The following KDM2A variants were observed in gnomAD, a reference collection of about 807,000 sequenced individuals.
The protein encoded by KDM2A is lysine demethylase 2A, also known as lysine-specific demethylase 2A.
In KDM2A, 3 loss-of-function variants were observed where a neutral mutation model predicts 137.3. The observed-to-expected ratio is 0.02, with a 90% CI of 0.01 to 0.06. The LOEUF is 0.06. KDM2A is among the 10% of genes least tolerant of loss of function. KDM2A has a pLI of 1.00. For missense variants in KDM2A, 738 were observed against 1,510.6 expected (o/e 0.49, Z 8.48); for synonymous variants, 512 against 541.5 (o/e 0.95, Z 0.76).
chr11:67,192,805 A>G (rs1857389138), intron 5 of KDM2A, among the ~76,000 whole-genome samples: 1 of 151,932 alleles, frequency 6.6e-6, no homozygotes. Flanking sequence ...TCTTGGGTAC[A>G]CATTTGAGAG....
intron 11 of KDM2A, among the ~76,000 whole-genome samples, chr11:67,229,696 C>A (rs1361008959): frequency 1.3e-5 from 2 of 151,210 alleles, no homozygotes; most frequent in East Asian, 3.9e-4. Flanking sequence ...TGGTGAAACC[C>A]TGTCTCTACT....
chr11:67,218,452 A>G (rs961263304), intron 9 of KDM2A, among the ~76,000 whole-genome samples: 8 of 152,200 alleles, frequency 5.3e-5, no homozygotes, highest in African/African-American at 1.9e-4. Flanking sequence ...AGCTTATCCA[A>G]CCTGCAGGCC....
intron 1 of KDM2A, among the ~76,000 whole-genome samples, chr11:67,121,018 C>T (rs928921573): frequency 6.6e-6 from 1 of 151,964 alleles, no homozygotes; most frequent in Non-Finnish European, 1.5e-5. Flanking sequence ...CTGAAACCAA[C>T]ATCTCGTTTC....
At chr11:67,242,907 T>C in intron 12 of KDM2A, 102 bp from the exon 13 acceptor site, 1 of 796,682 alleles carries the variant, frequency 1.3e-6, no homozygotes, top group Non-Finnish European at 2.2e-6. Context: ...CTGCCTCCCT[T>C]GCTACTCAAG....
chr11:67,230,399 G>A (rs1221499347), intron 11 of KDM2A, among the ~76,000 whole-genome samples: 1 of 152,146 alleles, frequency 6.6e-6, no homozygotes, highest in Non-Finnish European at 1.5e-5. Flanking sequence ...AAACCAAGGT[G>A]GAAGGCACAC....
At chr11:67,190,098 C>T (rs1857313707) in intron 5 of KDM2A, among the ~76,000 whole-genome samples, 1 of 152,054 alleles carries the variant, frequency 6.6e-6, no homozygotes, top group Admixed American at 6.5e-5. Context: ...AAAGAAAGAT[C>T]GAATTACTAA....
intron 5 of KDM2A, among the ~76,000 whole-genome samples, chr11:67,198,504 C>T (rs1222636598): frequency 6.6e-6 from 1 of 151,862 alleles, no homozygotes; most frequent in Non-Finnish European, 1.5e-5. Context: ...GGGCGGATCT[C>T]GAGGTCAGGA....
rs1428283320 is a variant in KDM2A, at chr11:67,228,100, G to A, written c.1021G>A (p.Val341Met). 6.2e-7 allele frequency: 1 copy of A among 1,613,086 alleles called. No individual in the cohort carries two copies. Among genetic ancestry groups the A allele is most frequent in the African/African-American group, 1.3e-5 (1 of 75,028 alleles). ...GTGTTGGTATGTGTTGGAGCGCTATGTGTACTGCATAACCAACCGTTCCCA... is the reference window on the plus strand; with the variant it reads ...GTGTTGGTATGTGTTGGAGCGCTATATGTACTGCATAACCAACCGTTCCCA... The part of the protein sequence containing the change: ...EMCWYVLERY[V>M]YCITNRSHLT... The change falls in exon 11 of 21, where the codon GTG becomes ATG. Residue 341 changes from valine to methionine, a missense_variant. By Grantham distance (21) the Val-to-Met change is conservative. This residue lies in a region of KDM2A where 113 missense variants were observed against 133.5 expected (regional missense o/e 0.85). Transcript: ENST00000529006.
At position 67,120,205 on chromosome 11, in the gene KDM2A, C is replaced by T. The variant is rs775415114; in HGVS notation, c.-84+156C>T. Among the ~76,000 whole-genome samples the T allele has an allele frequency of 1.5e-3, 231 of 152,230 alleles. 3 individuals carry two copies. Among genetic ancestry groups the T allele is most frequent in the Non-Finnish European group, 4.0e-4 (27 of 68,042 alleles). ...GAGATTCGCCCTTTTTCCTCTCCGGCCCTGGCTGCTCCATGCCCAGGCGGT... is the reference window on the plus strand; with the variant it reads ...GAGATTCGCCCTTTTTCCTCTCCGGTCCTGGCTGCTCCATGCCCAGGCGGT... On this transcript the variant is annotated intron_variant, in intron 1 of 20. Coordinates refer to ENST00000529006, the MANE Select transcript of KDM2A (RefSeq NM_012308.3).
At chr11:67,138,134 A>G (rs1240238414) in intron 2 of KDM2A, among the ~76,000 whole-genome samples, 2 of 152,154 alleles carry the variant, frequency 1.3e-5, no homozygotes, top group Non-Finnish European at 2.9e-5. Context: ...TCACATATAC[A>G]GTTGTTGAGT....
chr11:67,163,611 T>C (rs1049180136), intron 2 of KDM2A, among the ~76,000 whole-genome samples: 28 of 152,252 alleles, frequency 1.8e-4, no homozygotes, highest in African/African-American at 6.5e-4. Flanking sequence ...TCCAGCACTT[T>C]GGGAGGCCAA....
intron 2 of KDM2A, among the ~76,000 whole-genome samples, chr11:67,141,114 A>C (rs1182772974): frequency 6.6e-6 from 1 of 152,076 alleles, no homozygotes; most frequent in Non-Finnish European, 1.5e-5. Flanking sequence ...CGATGAAAAT[A>C]TTAGGAACTC....
chr11:67,242,592 C>G (rs971839318), intron 12 of KDM2A, among the ~76,000 whole-genome samples: 1 of 152,194 alleles, frequency 6.6e-6, no homozygotes, highest in Non-Finnish European at 1.5e-5. Flanking sequence ...TTAGTTGTTT[C>G]AGTGTGTTAG....
chr11:67,141,023 A>G (rs140639362), intron 2 of KDM2A, among the ~76,000 whole-genome samples: 32 of 152,222 alleles, frequency 2.1e-4, no homozygotes, highest in African/African-American at 7.2e-4. Context: ...TCAAAGGTTG[A>G]TAAATACTAC....
intron 2 of KDM2A, among the ~76,000 whole-genome samples, chr11:67,174,629 G>A (rs1485640928): frequency 6.6e-6 from 1 of 152,068 alleles, no homozygotes; most frequent in Non-Finnish European, 1.5e-5. Context: ...GTTAATCTAA[G>A]TATTCCATTT....
At chr11:67,151,947 C>T (rs1193760564) in intron 2 of KDM2A, among the ~76,000 whole-genome samples, 2 of 152,072 alleles carry the variant, frequency 1.3e-5, no homozygotes, top group Admixed American at 6.6e-5. Context: ...GGTTTTGTTA[C>T]ATTGCCCTGG....
rs1041184812 is a variant in KDM2A at position 67,168,610 on chromosome 11, C to T, written c.43-11469C>T. On this transcript the variant is annotated intron_variant, in intron 2 of 20. Coordinates refer to ENST00000529006, the MANE Select transcript of KDM2A (RefSeq NM_012308.3). The stretch of plus-strand genomic sequence containing the variant: ...ACACACACACACACACACACACACA[C>T]ACACACACACACACACACACACACA... Among the ~76,000 whole-genome samples the T allele has an allele frequency of 6.6e-3, 702 of 106,642 alleles. 55 individuals carry two copies. The highest frequency in any genetic ancestry group is 0.019 in the African/African-American group (264 of 13,728). The allele number at this position is 106,642 out of a possible 152,430, so 70.0% of individuals were successfully genotyped here.
intron 5 of KDM2A, among the ~76,000 whole-genome samples, chr11:67,198,222 G>C (rs1857527656): frequency 6.6e-6 from 1 of 152,046 alleles, no homozygotes; most frequent in Admixed American, 6.6e-5. Context: ...GTAAATGTTA[G>C]CTATTACTTT....
At chr11:67,121,407 A>G in intron 2 of KDM2A, 49 bp downstream of exon 2, 1 of 1,564,738 alleles carries the variant, frequency 6.4e-7, no homozygotes, top group Non-Finnish European at 8.8e-7. Context: ...AAGTAGGATA[A>G]CTATTTTGTT....
Sources: allele counts gnomAD v4.1 joint callset (sites outside exome capture counted in the v4.1 genomes callset), GRCh38; gene constraint gnomAD v4.1.1; regional missense constraint gnomAD v4.1.1; transcripts MANE v1.5; gene names NCBI Gene and HGNC (gene_info 2026-07-23, HGNC 2026-07-21).